SS18L1: variants seen among roughly 807,000 people sequenced by gnomAD.
SS18L1 encodes the protein calcium-responsive transactivator.
Under a neutral mutation model 70.3 loss-of-function variants are expected in SS18L1, and 32 were observed. That is an observed-to-expected ratio of 0.46 (90% confidence interval 0.34 to 0.61). The LOEUF (loss-of-function observed/expected upper bound fraction) is 0.61. Ranked by LOEUF, SS18L1 falls within the 20% of genes least tolerant of loss-of-function variation. The probability of loss-of-function intolerance (pLI) is 0.01; values close to 1 mark genes in which losing one functional copy is unlikely to be tolerated. For synonymous variants in SS18L1, 237 were observed against 229.7 expected (o/e 1.03, Z -0.29); for missense variants, 430 against 542.1 (o/e 0.79, Z 2.05).
Position 62,158,645 on chromosome 20 carries a change from C to T in SS18L1, c.70-27C>T. 6.2e-7 allele frequency: 1 copy of T among 1,610,104 alleles called. No individual in the cohort carries two copies. The highest frequency in any genetic ancestry group is 8.5e-7 in the Non-Finnish European group (1 of 1,179,420). Reference sequence around the variant, plus strand: ...AGGGTCAGCGACAGCCCCGCGTCGGCAGCGCCCGCTCACGCTCTCTCCGCA... The same window carrying T: ...AGGGTCAGCGACAGCCCCGCGTCGGTAGCGCCCGCTCACGCTCTCTCCGCA... On this transcript the variant is annotated intron_variant, in intron 1 of 10. Transcript: ENST00000331758. The surrounding 1 kb of genome is among the most constrained non-coding windows in gnomAD (Gnocchi z 4.5).
Position 62,158,585 on chromosome 20 carries a change from G to T in SS18L1, c.70-87G>T. Reference sequence around the variant, plus strand: ...CACGTAAGGGACGCTCAACCTATATGAAAACTAGATGTGTAGCGATGGCTG... The same window carrying T: ...CACGTAAGGGACGCTCAACCTATATTAAAACTAGATGTGTAGCGATGGCTG... On this transcript the variant is annotated intron_variant, in intron 1 of 10. Transcript: ENST00000331758. The surrounding 1 kb of genome is among the most constrained non-coding windows in gnomAD (Gnocchi z 4.5). 1 of 1,546,486 alleles carries T rather than the reference G, an allele frequency of 6.5e-7. No homozygotes were observed. The highest frequency in any genetic ancestry group is 1.2e-5 in the South Asian group (1 of 86,478).
chr20:62,165,741 G>A (rs78481383), intron 8 of SS18L1, among the ~76,000 whole-genome samples: 8,099 of 151,882 alleles, frequency 0.053, 688 homozygotes, highest in African/African-American at 0.18. Flanking sequence ...GGATTCAGCC[G>A]GCCATGCTGG....
rs769271838 is a variant in SS18L1, at chr20:62,163,636, G to C, written c.721+14G>C. 1.3e-6 allele frequency: 2 copies of C among 1,552,324 alleles called. No individual in the cohort carries two copies. The highest frequency in any genetic ancestry group is 1.3e-5 in the African/African-American group (1 of 74,108). On this transcript the variant is annotated intron_variant, in intron 6 of 10. Transcript: ENST00000331758. ...CCTCCCAGCAAGGTAACGCCCGGCC[G>C]GGCCAGGTCGCGGGCACAGCTGACC...
At position 62,161,616 on chromosome 20, in the gene SS18L1, C is replaced by T. The variant is rs756503327; in HGVS notation, c.376+36C>T. ...CGGGGGAGGAGGACGTTCCTGGCTA[C>T]GAGGCCACCAAGGCAGCCCTTGGGC... On this transcript the variant is annotated intron_variant, in intron 4 of 10. Transcript: ENST00000331758. The surrounding 1 kb of genome is among the most constrained non-coding windows in gnomAD (Gnocchi z 4.4). The T allele has an allele frequency of 7.6e-6, 12 of 1,587,466 alleles. No homozygotes were observed. Among genetic ancestry groups the T allele is most frequent in the African/African-American group, 4.0e-5 (3 of 74,398 alleles).
intron 1 of SS18L1, among the ~76,000 whole-genome samples, chr20:62,147,883 T>G (rs918573699): frequency 4.5e-4 from 69 of 151,898 alleles, no homozygotes; most frequent in Admixed American, 7.9e-4. Context: ...CACTTCTGGG[T>G]GGGGATGGGC....
At chr20:62,167,830 T>A (rs915327187) in intron 8 of SS18L1, among the ~76,000 whole-genome samples, 1 of 145,906 alleles carries the variant, frequency 6.9e-6, no homozygotes, top group Non-Finnish European at 1.5e-5. Context: ...TTTTTTTTTT[T>A]AAAGAGACAG....
chr20:62,145,971 C>T (rs2145683166), intron 1 of SS18L1, among the ~76,000 whole-genome samples: 1 of 148,938 alleles, frequency 6.7e-6, no homozygotes, highest in East Asian at 1.9e-4. Context: ...AGAAGGAAGT[C>T]TACAACTTGT....
At position 62,174,426 on chromosome 20, in the gene SS18L1, G is replaced by T; in HGVS notation, c.1037-91G>T. 6.6e-7 allele frequency: 1 copy of T among 1,520,874 alleles called. No homozygotes were observed. The highest frequency in any genetic ancestry group is 1.3e-5 in the South Asian group (1 of 76,880). 94.2% of individuals were successfully genotyped at this position (1,520,874 alleles called of 1,614,324 possible). A position where few individuals can be genotyped will look rare whatever the true frequency, so the allele number is the denominator to read the frequency against. On this transcript the variant is annotated intron_variant, in intron 9 of 10. Coordinates refer to ENST00000331758, the MANE Select transcript of SS18L1 (RefSeq NM_198935.3). This position sits in a 1 kb window ranked among gnomAD's most constrained non-coding sequence, Gnocchi z 4.1. ...TGAGACGGGAATTTTTCAAGGAGAAGAGGAAGTTTTAAAAAAAATTTTTAA... is the reference window on the plus strand; with the variant it reads ...TGAGACGGGAATTTTTCAAGGAGAATAGGAAGTTTTAAAAAAAATTTTTAA...
rs151091533 is a variant in SS18L1 at position 62,172,710 on chromosome 20, C to A, written c.945C>A (p.Ala315=). The A allele has an allele frequency of 4.3e-6, 7 of 1,614,006 alleles. No homozygotes were observed. Among genetic ancestry groups the A allele is most frequent in the Non-Finnish European group, 5.9e-6 (7 of 1,180,036 alleles). ...GGNSQYSQQQ[A]GYQQGAAQQQ... ...ACTCCCAGTACAGCCAGCAGCAGGC[C>A]GGGTACCAGCAGGGTGCCGCGCAGC... The change falls in exon 9 of 11, where the codon GCC becomes GCA. Residue 315 remains alanine (A), a synonymous_variant. Coordinates refer to ENST00000331758, the MANE Select transcript of SS18L1 (RefSeq NM_198935.3).
intron 1 of SS18L1, among the ~76,000 whole-genome samples, chr20:62,144,657 T>C (rs948702326): frequency 1.3e-5 from 2 of 152,272 alleles, no homozygotes; most frequent in African/African-American, 4.8e-5. Context: ...TTCGGCCTTG[T>C]GGTTTTCAAG....
rs995249419 is a variant in SS18L1, at chr20:62,175,023, C to T, written c.1164+379C>T. ...TCTCGCTACAGAGACATAAGGTGGT[C>T]CCACAGGGCCAGACTGTGCTGAGGA... is the stretch of plus-strand genomic sequence containing the variant. On this transcript the variant is annotated intron_variant, in intron 10 of 10. Transcript: ENST00000331758. 3 of 779,712 alleles carry T rather than the reference C, an allele frequency of 3.8e-6. No individual in the cohort carries two copies. The African/African-American group carries it at 5.7e-5, about 15-fold the overall frequency. The allele number at this position is 779,712 out of a possible 1,614,324, so 48.3% of individuals were successfully genotyped here.
At chr20:62,147,555 C>A (rs1298202881) in intron 1 of SS18L1, among the ~76,000 whole-genome samples, 1 of 152,150 alleles carries the variant, frequency 6.6e-6, no homozygotes, top group Non-Finnish European at 1.5e-5. Context: ...GTTACTGTTT[C>A]TGTTTGTATT....
intron 10 of SS18L1, among the ~76,000 whole-genome samples, chr20:62,177,497 T>C (rs988629315): frequency 6.6e-6 from 1 of 152,158 alleles, no homozygotes; most frequent in African/African-American, 2.4e-5. Flanking sequence ...CTGGAACAGC[T>C]TTCCTCCCTC....
chr20:62,172,394 T>G (rs1295285000), intron 8 of SS18L1, among the ~76,000 whole-genome samples: 1 of 152,074 alleles, frequency 6.6e-6, no homozygotes, highest in Non-Finnish European at 1.5e-5. Context: ...TCACAGGTAC[T>G]TGGAGTTAGG....
intron 10 of SS18L1, among the ~76,000 whole-genome samples, chr20:62,175,086 TG>T (rs757142598): frequency 9.9e-5 from 15 of 152,164 alleles, no homozygotes; most frequent in Non-Finnish European, 2.2e-4. Flanking sequence ...GCCTTCCAGA[TG>T]GGGGCGCAGG....
chr20:62,178,433 G>A (rs899670214), intron 10 of SS18L1, among the ~76,000 whole-genome samples: 1 of 150,894 alleles, frequency 6.6e-6, no homozygotes, highest in Non-Finnish European at 1.5e-5. Flanking sequence ...GATTGCAGGC[G>A]TGAGCCACTG....
rs2057265483 is a variant in SS18L1 at position 62,158,602 on chromosome 20, C to T, written c.70-70C>T. ...ACCTATATGAAAACTAGATGTGTAG[C>T]GATGGCTGTTCATCCCGAGGGTCAG... On this transcript the variant is annotated intron_variant, in intron 1 of 10. Coordinates refer to ENST00000331758, the MANE Select transcript of SS18L1 (RefSeq NM_198935.3). This position sits in a 1 kb window ranked among gnomAD's most constrained non-coding sequence, Gnocchi z 4.5. 9 of 1,574,176 alleles carry T rather than the reference C, an allele frequency of 5.7e-6. No homozygotes were observed. The highest frequency in any genetic ancestry group is 1.1e-5 in the South Asian group (1 of 88,430).
chr20:62,153,964 C>T (rs966426209), intron 1 of SS18L1, among the ~76,000 whole-genome samples: 1 of 152,164 alleles, frequency 6.6e-6, no homozygotes, highest in African/African-American at 2.4e-5. Context: ...ACTTGCTGTC[C>T]CCTCCCCTCT....
At position 62,163,599 on chromosome 20, in the gene SS18L1, C is replaced by T. The variant is rs767367455; in HGVS notation, c.698C>T (p.Ala233Val). The T allele has an allele frequency of 4.9e-5, 78 of 1,600,468 alleles. No homozygotes were observed. The highest frequency in any genetic ancestry group is 5.5e-5 in the South Asian group (5 of 90,140). The change falls in exon 6 of 11, where the codon GCG (alanine) becomes GTG (valine). Residue 233 changes from alanine (A) to valine (V), a missense_variant. By Grantham distance (64) the Ala-to-Val change is moderately conservative. Transcript: ENST00000331758. ...AGCATGATGGGGCAGCGGCCCATGG[C>T]GCCCTACCGGCCCTCCCAGCAAGGT... ...GSSMMGQRPMAPYRPSQQGSS... is the reference protein window; with the variant it reads ...GSSMMGQRPMVPYRPSQQGSS...
Sources: allele counts gnomAD v4.1 joint callset (sites outside exome capture counted in the v4.1 genomes callset), GRCh38; gene constraint gnomAD v4.1.1; non-coding constraint Gnocchi (gnomAD v3.1); transcripts MANE v1.5; gene names NCBI Gene and HGNC (gene_info 2026-07-23, HGNC 2026-07-21).